NOTCH2NLC: variants seen among roughly 807,000 people sequenced by gnomAD.
NOTCH2NLC encodes notch 2 N-terminal like C.
A neutral mutation model predicts 17.7 loss-of-function variants in NOTCH2NLC; 4 were observed. The observed-to-expected ratio is 0.23, with a 90% CI of 0.11 to 0.52. The LOEUF is 0.52. NOTCH2NLC is among the 20% of genes least tolerant of loss of function. The probability of loss-of-function intolerance (pLI) is 0.96; values close to 1 mark genes in which losing one functional copy is unlikely to be tolerated. For synonymous variants in NOTCH2NLC, 18 were observed against 86.0 expected (o/e 0.21, Z 4.38); for missense variants, 57 against 207.2 (o/e 0.28, Z 4.45).
intron 1 of NOTCH2NLC, among the ~76,000 whole-genome samples, chr1:149,396,016 CAG>C (rs1482435574): frequency 6.6e-6 from 1 of 151,432 alleles, no homozygotes; most frequent in South Asian, 2.1e-4. Context: ...GCCCGAAATT[CAG>C]AGTCAACTGA....
chr1:149,437,218 G>A (rs1363055240), intron 2 of NOTCH2NLC, among the ~76,000 whole-genome samples: 1 of 141,920 alleles, frequency 7.0e-6, no homozygotes, highest in Non-Finnish European at 1.5e-5. Flanking sequence ...TAAGGCACAG[G>A]CCTCTCTTGT....
chr1:149,413,062 C>A (rs1328596500), intron 1 of NOTCH2NLC, among the ~76,000 whole-genome samples: 1 of 148,584 alleles, frequency 6.7e-6, no homozygotes, highest in Non-Finnish European at 1.5e-5. Flanking sequence ...GTGCCACTAC[C>A]ACCCGGCTAA....
chr1:149,447,914 A>G (rs1320841260), intron 2 of NOTCH2NLC, among the ~76,000 whole-genome samples: 1 of 125,692 alleles, frequency 8.0e-6, no homozygotes, highest in South Asian at 2.9e-4. Flanking sequence ...ATTGTAAAGA[A>G]CTTGGATTTG....
At chr1:149,393,681 TA>T (rs2084189930) in intron 1 of NOTCH2NLC, among the ~76,000 whole-genome samples, 1 of 144,842 alleles carries the variant, frequency 6.9e-6, no homozygotes, top group African/African-American at 2.6e-5. Context: ...AAAATCGGAG[TA>T]ATTTTCTTTC....
rs1290677225 is a variant in NOTCH2NLC at position 149,390,707 on chromosome 1, G to T, written c.-81G>T. The T allele has an allele frequency of 1.1e-5, 14 of 1,248,964 alleles. 1 individual carries two copies. Among genetic ancestry groups the T allele is most frequent in the African/African-American group, 1.6e-5 (1 of 62,506 alleles). The allele number at this position is 1,248,964 out of a possible 1,614,324, so 77.4% of individuals were successfully genotyped here. On this transcript the variant is annotated 5_prime_UTR_variant, in exon 1 of 5. Transcript: ENST00000650865. ...TCGAGGCATTTGCGCCTGTGCTTCG[G>T]ACCGTAGCGCCAGGGCCTGAGCCTT...
chr1:149,442,243 C>T (rs2084524068), intron 2 of NOTCH2NLC, among the ~76,000 whole-genome samples: 1 of 148,790 alleles, frequency 6.7e-6, no homozygotes, highest in African/African-American at 2.5e-5. Flanking sequence ...TATATTGTTC[C>T]TTCTCTTTGG....
intron 2 of NOTCH2NLC, among the ~76,000 whole-genome samples, chr1:149,433,369 C>A (rs1412332172): frequency 6.8e-6 from 1 of 147,240 alleles, no homozygotes; most frequent in Admixed American, 6.8e-5. Context: ...ATAGGTGCAG[C>A]AAACCACCAT....
chr1:149,395,935 T>C (rs1274066485), intron 1 of NOTCH2NLC, among the ~76,000 whole-genome samples: 1 of 150,050 alleles, frequency 6.7e-6, no homozygotes, highest in African/African-American at 2.5e-5. Context: ...TGCCACATGA[T>C]TTTGATCCTT....
intron 1 of NOTCH2NLC, among the ~76,000 whole-genome samples, chr1:149,428,445 A>G (rs2101486985): frequency 6.6e-6 from 1 of 150,874 alleles, no homozygotes; most frequent in Non-Finnish European, 1.5e-5. Flanking sequence ...CTGTAAAGTT[A>G]TTTGCTAGAT....
intron 1 of NOTCH2NLC, among the ~76,000 whole-genome samples, chr1:149,417,084 A>G (rs2084339704): frequency 1.6e-5 from 2 of 124,962 alleles, no homozygotes; most frequent in Admixed American, 8.4e-5. Context: ...ATTATGGTGG[A>G]TATCAGGTTT....
In NOTCH2NLC at chr1:149,469,039, A is replaced by T. The variant is rs1396357495; in HGVS notation, c.*4886A>T. On this transcript the variant is annotated 3_prime_UTR_variant, in exon 5 of 5. Coordinates refer to ENST00000650865, the MANE Select transcript of NOTCH2NLC (RefSeq NM_001364013.2). ...GAGTGCAATGGTGCTATCTCGGCTC[A>T]CTGCAACCTCCACCTCCCGGGTTCA... Among the ~76,000 whole-genome samples the T allele has an allele frequency of 9.5e-4, 105 of 110,684 alleles. 1 individual carries two copies. Among genetic ancestry groups the T allele is most frequent in the South Asian group, 3.8e-3 (12 of 3,194 alleles). The allele number at this position is 110,684 out of a possible 152,430, so 72.6% of individuals were successfully genotyped here.
chr1:149,470,052 G>A lies in NOTCH2NLC; in HGVS notation c.*5899G>A, dbSNP rs1401949413. Among the ~76,000 whole-genome samples, 1 of 152,056 alleles carries A rather than the reference G, an allele frequency of 6.6e-6. No homozygotes were observed. The highest frequency in any genetic ancestry group is 1.5e-5 in the Non-Finnish European group (1 of 67,862). On this transcript the variant is annotated 3_prime_UTR_variant, in exon 5 of 5. Transcript: ENST00000650865. ...TCAGACATGGGAACTTTTGACCTAAGTTTGTATTTTACATTGTTGAAAGGG... is the reference window on the plus strand; with the variant it reads ...TCAGACATGGGAACTTTTGACCTAAATTTGTATTTTACATTGTTGAAAGGG...
At chr1:149,393,364 ATCT>A (rs1344101450) in intron 1 of NOTCH2NLC, among the ~76,000 whole-genome samples, 3 of 151,130 alleles carry the variant, frequency 2.0e-5, no homozygotes, top group Non-Finnish European at 3.0e-5. Flanking sequence ...CAAATCTTAA[ATCT>A]TCTTAGAGTC....
At position 149,448,685 on chromosome 1, in the gene NOTCH2NLC, G is replaced by A. The variant is rs1395887068; in HGVS notation, c.210-6633G>A. On this transcript the variant is annotated intron_variant, in intron 2 of 4. Transcript: ENST00000650865. Reference sequence around the variant, plus strand: ...AAAAGCATAGTGTCCAGATCAGAAGGTCATGGTTCAGCTCTGTGCTGCACT... The same window carrying A: ...AAAAGCATAGTGTCCAGATCAGAAGATCATGGTTCAGCTCTGTGCTGCACT... Among the ~76,000 whole-genome samples, 8 of 150,996 alleles carry A rather than the reference G, an allele frequency of 5.3e-5. 1 individual carries two copies. The South Asian group carries it at 8.4e-4, about 16-fold the overall frequency.
intron 2 of NOTCH2NLC, among the ~76,000 whole-genome samples, chr1:149,454,497 G>T (rs1395440840): frequency 4.2e-5 from 6 of 143,128 alleles, no homozygotes; most frequent in African/African-American, 1.0e-4. Flanking sequence ...ATGTAAAAAG[G>T]TTCCTCAGTG....
At chr1:149,419,889 CAG>C (rs2101479450) in intron 1 of NOTCH2NLC, among the ~76,000 whole-genome samples, 1 of 104,210 alleles carries the variant, frequency 9.6e-6, no homozygotes, top group South Asian at 3.2e-4. Context: ...TTTCCTCAGG[CAG>C]AGTCTTGCTG....
At chr1:149,436,117 C>T (rs2084480671) in intron 2 of NOTCH2NLC, among the ~76,000 whole-genome samples, 1 of 72,272 alleles carries the variant, frequency 1.4e-5, no homozygotes, top group African/African-American at 5.7e-5. Context: ...GAATTTCATA[C>T]ATACCACTTG....
At chr1:149,409,197 AAATT>A in intron 1 of NOTCH2NLC, 1 of 159,914 alleles carries the variant, frequency 6.3e-6, no homozygotes, top group African/African-American at 2.5e-5. Flanking sequence ...AGACAGGTTG[AAATT>A]AATAGATTTC....
intron 2 of NOTCH2NLC, among the ~76,000 whole-genome samples, chr1:149,446,499 T>C (rs1315192673): frequency 2.8e-5 from 4 of 142,524 alleles, no homozygotes; most frequent in Non-Finnish European, 4.6e-5. Flanking sequence ...GAAATGACAC[T>C]TTTTTTTTTT....
Sources: allele counts gnomAD v4.1 joint callset (sites outside exome capture counted in the v4.1 genomes callset), GRCh38; gene constraint gnomAD v4.1.1; transcripts MANE v1.5; gene names NCBI Gene and HGNC (gene_info 2026-07-23, HGNC 2026-07-21).